The following NRG3 variants were observed in gnomAD, a reference collection of about 807,000 sequenced individuals.
NRG3 encodes pro-neuregulin-3, membrane-bound isoform.
In NRG3, 31 loss-of-function variants were observed where a neutral mutation model predicts 66.9. The observed-to-expected ratio is 0.46, with a 90% CI of 0.35 to 0.63. NRG3 has a LOEUF of 0.63. Among genes scored for constraint, NRG3 ranks in the 20% least tolerant of loss-of-function variants. The pLI is 0.00. For missense variants in NRG3, 910 were observed against 878.9 expected, an observed-to-expected ratio of 1.04 and a Z score of -0.45; for synonymous variants, 393 against 359.4, an observed-to-expected ratio of 1.09 and a Z score of -1.06.
chr10:82,718,898 A>T (rs1306459613), intron 2 of NRG3, among the ~76,000 whole-genome samples: 1 of 152,142 alleles, frequency 6.6e-6, no homozygotes, highest in Admixed American at 6.5e-5. Flanking sequence ...TGTAGTGCAA[A>T]TTTTTTTAGA....
chr10:82,387,248 C>T (rs1342296292), intron 2 of NRG3, among the ~76,000 whole-genome samples: 1 of 149,374 alleles, frequency 6.7e-6, no homozygotes, highest in African/African-American at 2.5e-5. Flanking sequence ...TGTTTTAACT[C>T]CTCTTATGTT....
intron 1 of NRG3, among the ~76,000 whole-genome samples, chr10:82,298,219 A>AAGGG (rs780289705): frequency 9.9e-5 from 14 of 141,416 alleles, no homozygotes; most frequent in Non-Finnish European, 1.7e-4. Flanking sequence ...GGAAGGAAAG[A>AAGGG]AGGGAGGGAG....
At chr10:82,979,531 G>C (rs763508224) in intron 8 of NRG3, among the ~76,000 whole-genome samples, 1 of 152,098 alleles carries the variant, frequency 6.6e-6, no homozygotes, top group Non-Finnish European at 1.5e-5. Context: ...CATGGCATAC[G>C]TACAGTATCT....
At chr10:82,960,600 A>G (rs1340075974) in intron 6 of NRG3, among the ~76,000 whole-genome samples, 1 of 152,006 alleles carries the variant, frequency 6.6e-6, no homozygotes, top group East Asian at 1.9e-4. Context: ...GCACGTGCAC[A>G]TCCAGATGGC....
intron 2 of NRG3, among the ~76,000 whole-genome samples, chr10:82,689,595 C>T (rs1591181258): frequency 6.6e-6 from 1 of 152,282 alleles, no homozygotes; most frequent in East Asian, 1.9e-4. Context: ...TATAGCATAA[C>T]ACAATGTTTA....
rs1564593550 is a variant in NRG3 at position 82,132,496 on chromosome 10, T to TATATGATATATATATG, written c.824-226239_824-226238insGATATATATATGATAT. On this transcript the variant is annotated intron_variant, in intron 1 of 8. Transcript: ENST00000372141. ...ATATATATGATATATATATATGATATATATATATCATATATATATGATATA... is the reference window on the plus strand; with the variant it reads ...ATATATATGATATATATATATGATATATATGATATATATATGATATATATCATATATATATGATATA... Among the ~76,000 whole-genome samples, 64 of 50,262 alleles carry TATATGATATATATATG rather than the reference T, an allele frequency of 1.3e-3. 5 individuals carry two copies. The highest frequency in any genetic ancestry group is 1.9e-3 in the East Asian group (4 of 2,096). The allele number at this position is 50,262 out of a possible 152,430, so 33.0% of individuals were successfully genotyped here.
chr10:82,029,536 A>T (rs1266817197), intron 1 of NRG3, among the ~76,000 whole-genome samples: 1 of 152,116 alleles, frequency 6.6e-6, no homozygotes, highest in African/African-American at 2.4e-5. Context: ...TTGCTGTATT[A>T]TCTGCTGGCG....
At chr10:82,822,411 G>A (rs919986397) in intron 3 of NRG3, among the ~76,000 whole-genome samples, 20 of 152,076 alleles carry the variant, frequency 1.3e-4, no homozygotes, top group South Asian at 4.2e-4. Context: ...TAGCCAGTGG[G>A]TCTACGTCCA....
At chr10:82,041,872 A>G (rs953114784) in intron 1 of NRG3, among the ~76,000 whole-genome samples, 1 of 151,878 alleles carries the variant, frequency 6.6e-6, no homozygotes, top group Non-Finnish European at 1.5e-5. Context: ...CTTCCCAACA[A>G]CCAAAGTCAG....
At chr10:82,253,015 C>T (rs546946022) in intron 1 of NRG3, among the ~76,000 whole-genome samples, 5 of 152,256 alleles carry the variant, frequency 3.3e-5, no homozygotes, top group Non-Finnish European at 7.4e-5. Flanking sequence ...TCCAACACCC[C>T]GATCTCTCAT....
At chr10:82,212,543 A>T (rs972721234) in intron 1 of NRG3, among the ~76,000 whole-genome samples, 1 of 152,196 alleles carries the variant, frequency 6.6e-6, no homozygotes, top group African/African-American at 2.4e-5. Flanking sequence ...TGTCACTTGG[A>T]CTGAATTATC....
At chr10:82,065,226 A>G (rs967203152) in intron 1 of NRG3, among the ~76,000 whole-genome samples, 11 of 152,194 alleles carry the variant, frequency 7.2e-5, no homozygotes, top group Admixed American at 7.2e-4. Context: ...AAATCCATCT[A>G]TTAATAGCAA....
chr10:82,302,110 C>A (rs2134789324), intron 1 of NRG3, among the ~76,000 whole-genome samples: 1 of 149,610 alleles, frequency 6.7e-6, no homozygotes, highest in African/African-American at 2.5e-5. Context: ...TTTTTATTTT[C>A]CTACTTGATT....
intron 1 of NRG3, among the ~76,000 whole-genome samples, chr10:81,884,847 A>C (rs571648379): frequency 6.6e-6 from 1 of 152,266 alleles, no homozygotes; most frequent in South Asian, 2.1e-4. Flanking sequence ...TATACCTATT[A>C]ATGCTGTCAC....
chr10:81,923,815 G>A (rs947436181), intron 1 of NRG3, among the ~76,000 whole-genome samples: 12 of 152,124 alleles, frequency 7.9e-5, no homozygotes, highest in Admixed American at 7.9e-4. Flanking sequence ...ACTGTATGAC[G>A]TTTGCATGTT....
chr10:81,910,346 G>A (rs10786762), intron 1 of NRG3, among the ~76,000 whole-genome samples: 72,733 of 152,090 alleles, frequency 0.48, 22,370 homozygotes, highest in African/African-American at 0.84. Flanking sequence ...AAATCCCTTT[G>A]ACGGTGGGAA....
At chr10:82,188,171 T>C (rs1189457146) in intron 1 of NRG3, among the ~76,000 whole-genome samples, 2 of 152,056 alleles carry the variant, frequency 1.3e-5, no homozygotes, top group Non-Finnish European at 2.9e-5. Flanking sequence ...ACCTACAGTA[T>C]ACTCATTTTT....
At chr10:82,489,937 T>C (rs1456718653) in intron 2 of NRG3, among the ~76,000 whole-genome samples, 1 of 152,182 alleles carries the variant, frequency 6.6e-6, no homozygotes, top group Non-Finnish European at 1.5e-5. Flanking sequence ...TGGAGATTGC[T>C]ACTGAAAGTC....
At chr10:82,984,976 C>G in intron 8 of NRG3, 122 bp from the exon 9 acceptor site, 1 of 1,325,980 alleles carries the variant, frequency 7.5e-7, no homozygotes, top group East Asian at 2.3e-5. Context: ...TATTATCCGT[C>G]TCATGGGGTT....
Sources: gnomAD v4.1 joint callset for allele counts (sites outside exome capture counted in the v4.1 genomes callset) on GRCh38, gnomAD v4.1.1 for gene constraint, MANE v1.5 for transcripts, NCBI Gene and HGNC (gene_info 2026-07-23, HGNC 2026-07-21) for gene names.